The following CHST11 variants were observed in gnomAD, a reference collection of about 807,000 sequenced individuals.
CHST11 encodes the protein C4S-1.
A neutral mutation model predicts 30.4 loss-of-function variants in CHST11; 9 were observed. That is an observed-to-expected ratio of 0.30 (90% CI 0.18 to 0.52). The LOEUF (loss-of-function observed/expected upper bound fraction) is 0.52. Among genes scored for constraint, CHST11 ranks in the 20% least tolerant of loss-of-function variants. The pLI is 0.97. For missense variants in CHST11, 348 were observed against 460.6 expected, an observed-to-expected ratio of 0.76 and a Z score of 2.24; for synonymous variants, 152 against 187.8, an observed-to-expected ratio of 0.81 and a Z score of 1.56.
intron 2 of CHST11, among the ~76,000 whole-genome samples, chr12:104,689,917 AT>A (rs1180116257): frequency 1.4e-5 from 2 of 147,118 alleles, no homozygotes; most frequent in African/African-American, 2.5e-5. Context: ...ATGTCTGTGC[AT>A]TTTTTTTTTA....
chr12:104,625,772 T>G (rs1325608452), intron 2 of CHST11, among the ~76,000 whole-genome samples: 6 of 152,376 alleles, frequency 3.9e-5, no homozygotes, highest in Admixed American at 2.0e-4. Context: ...GAGTGAGCAC[T>G]ACTAAATCTC....
chr12:104,612,131 G>A (rs1279815546), intron 2 of CHST11, among the ~76,000 whole-genome samples: 1 of 152,232 alleles, frequency 6.6e-6, no homozygotes, highest in East Asian at 1.9e-4. Flanking sequence ...TCACACCCCA[G>A]CCTGCCTCCC....
chr12:104,719,972 C>A (rs1443044245), intron 2 of CHST11, among the ~76,000 whole-genome samples: 1 of 152,256 alleles, frequency 6.6e-6, no homozygotes, highest in Non-Finnish European at 1.5e-5. Flanking sequence ...TGCTCCGTGG[C>A]TCCTGAGAAG....
At chr12:104,694,969 T>C (rs2039930836) in intron 2 of CHST11, among the ~76,000 whole-genome samples, 1 of 152,220 alleles carries the variant, frequency 6.6e-6, no homozygotes, top group Non-Finnish European at 1.5e-5. Context: ...CCGGACCCTT[T>C]GCTGGGTAGA....
intron 2 of CHST11, among the ~76,000 whole-genome samples, chr12:104,669,662 C>T (rs528683027): frequency 6.5e-4 from 99 of 152,318 alleles, no homozygotes; most frequent in Non-Finnish European, 1.1e-3. Context: ...GCTTTGGGAT[C>T]CAGGCTGACC....
At chr12:104,584,186 G>A (rs1486223434) in intron 1 of CHST11, among the ~76,000 whole-genome samples, 1 of 151,904 alleles carries the variant, frequency 6.6e-6, no homozygotes, top group African/African-American at 2.4e-5. Context: ...TTTTTAGTGG[G>A]AAGAATACTA....
intron 1 of CHST11, among the ~76,000 whole-genome samples, chr12:104,549,971 A>G (rs952514119): frequency 3.9e-5 from 6 of 152,218 alleles, no homozygotes; most frequent in South Asian, 2.1e-4. Context: ...CACTTCAGCT[A>G]GAGGAGAAGC....
intron 2 of CHST11, among the ~76,000 whole-genome samples, chr12:104,694,344 A>G (rs2039924940): frequency 6.6e-6 from 1 of 152,198 alleles, no homozygotes; most frequent in South Asian, 2.1e-4. Flanking sequence ...ACTGCTTCTC[A>G]GGGCTGCTGT....
intron 1 of CHST11, among the ~76,000 whole-genome samples, chr12:104,472,287 G>A (rs1193678455): frequency 6.6e-6 from 1 of 151,922 alleles, no homozygotes; most frequent in Non-Finnish European, 1.5e-5. Context: ...ATTTTCTTAA[G>A]GGGATGTTGT....
At chr12:104,623,168 C>T (rs2039176823) in intron 2 of CHST11, among the ~76,000 whole-genome samples, 1 of 152,248 alleles carries the variant, frequency 6.6e-6, no homozygotes, top group South Asian at 2.1e-4. Flanking sequence ...CTGCTTTAGA[C>T]TGTGCCGAGA....
intron 2 of CHST11, among the ~76,000 whole-genome samples, chr12:104,703,583 C>T (rs1207908902): frequency 1.3e-5 from 2 of 152,198 alleles, no homozygotes; most frequent in Admixed American, 6.5e-5. Context: ...ATTCTACTGC[C>T]GCAGCCAGAG....
intron 2 of CHST11, among the ~76,000 whole-genome samples, chr12:104,663,710 G>T (rs764494446): frequency 2.6e-4 from 40 of 152,166 alleles, no homozygotes; most frequent in Admixed American, 4.6e-4. Flanking sequence ...GTTGTAGAGA[G>T]CTGTGCATTT....
At chr12:104,648,670 C>G (rs1020576041) in intron 2 of CHST11, among the ~76,000 whole-genome samples, 4 of 151,970 alleles carry the variant, frequency 2.6e-5, no homozygotes, top group Non-Finnish European at 5.9e-5. Flanking sequence ...AAAAATTAGC[C>G]AGGTGTGGTG....
At chr12:104,658,733 T>G (rs1288580130) in intron 2 of CHST11, among the ~76,000 whole-genome samples, 1 of 152,190 alleles carries the variant, frequency 6.6e-6, no homozygotes, top group African/African-American at 2.4e-5. Context: ...CCCTGTTCGC[T>G]CCATAATAAT....
intron 2 of CHST11, among the ~76,000 whole-genome samples, chr12:104,629,973 C>A (rs925950965): frequency 1.3e-5 from 2 of 152,160 alleles, no homozygotes; most frequent in African/African-American, 2.4e-5. Flanking sequence ...ATAAAGTTAT[C>A]TTGAAGAATT....
chr12:104,623,684 G>A (rs977707336), intron 2 of CHST11, among the ~76,000 whole-genome samples: 6 of 151,768 alleles, frequency 4.0e-5, no homozygotes, highest in Non-Finnish European at 8.8e-5. Flanking sequence ...TCACCCAGCC[G>A]AGATCGCCTG....
chr12:104,587,850 T>C (rs2038820403), intron 1 of CHST11, among the ~76,000 whole-genome samples: 1 of 149,464 alleles, frequency 6.7e-6, no homozygotes, highest in Admixed American at 6.7e-5. Flanking sequence ...TTTTTGTTTT[T>C]TTTTTTTGAG....
At chr12:104,521,035 C>T (rs1321143615) in intron 1 of CHST11, among the ~76,000 whole-genome samples, 2 of 152,116 alleles carry the variant, frequency 1.3e-5, no homozygotes, top group Admixed American at 6.5e-5. Flanking sequence ...CCCAGCTGCC[C>T]TAATTAAATA....
intron 1 of CHST11, among the ~76,000 whole-genome samples, chr12:104,475,405 G>A (rs1164959982): frequency 3.3e-5 from 5 of 151,784 alleles, no homozygotes; most frequent in Non-Finnish European, 7.4e-5. Context: ...ACTTGACAGA[G>A]GAAGGAACAT....
Sources: allele counts gnomAD v4.1 joint callset (sites outside exome capture counted in the v4.1 genomes callset), GRCh38; gene constraint gnomAD v4.1.1; transcripts MANE v1.5; gene names NCBI Gene and HGNC (gene_info 2026-07-23, HGNC 2026-07-21).